Variants in NIPBL observed in about 807,000 individuals in gnomAD.
The protein encoded by NIPBL is NIPBL cohesin loading factor, also known as nipped-B-like protein.
A neutral mutation model predicts 321.8 loss-of-function variants in NIPBL; 19 were observed. The ratio of observed to expected loss-of-function variants is 0.06; its 90% CI spans 0.04 to 0.09. The LOEUF is 0.09. NIPBL is among the 10% of genes least tolerant of loss of function. The pLI is 1.00. For synonymous variants in NIPBL, 1,106 were observed against 1,114.1 expected (o/e 0.99, Z 0.14); for missense variants, 2,210 against 3,327.0 (o/e 0.66, Z 8.26).
intron 1 of NIPBL, among the ~76,000 whole-genome samples, chr5:36,884,069 G>A (rs189965249): frequency 9.3e-4 from 142 of 152,020 alleles, no homozygotes; most frequent in African/African-American, 3.1e-3. Context: ...ATTCCATAAC[G>A]TTACCTTCAA....
intron 1 of NIPBL, among the ~76,000 whole-genome samples, chr5:36,904,781 T>G (rs1747500511): frequency 6.6e-6 from 1 of 152,164 alleles, no homozygotes; most frequent in South Asian, 2.1e-4. Flanking sequence ...CACCTGTGTC[T>G]CACCTTAAAG....
intron 1 of NIPBL, among the ~76,000 whole-genome samples, chr5:36,889,662 A>G (rs1054152234): frequency 1.3e-5 from 2 of 152,180 alleles, no homozygotes; most frequent in Non-Finnish European, 2.9e-5. Flanking sequence ...CCACATTGCC[A>G]TCTACTCTGA....
chr5:36,989,869 A>G (rs1007904409), intron 10 of NIPBL, among the ~76,000 whole-genome samples: 15 of 150,386 alleles, frequency 1.0e-4, no homozygotes, highest in African/African-American at 3.4e-4. Context: ...AAAAATTGGC[A>G]TAATCATCAA....
chr5:36,958,454 T>A (rs1741231743), intron 4 of NIPBL, among the ~76,000 whole-genome samples: 1 of 152,214 alleles, frequency 6.6e-6, no homozygotes, highest in Non-Finnish European at 1.5e-5. Flanking sequence ...TTAAATATGT[T>A]GGAATATATC....
At position 36,985,377 on chromosome 5, in the gene NIPBL, C is replaced by A. The variant is rs1395057032; in HGVS notation, c.2197C>A (p.Pro733Thr). Reference sequence around the variant, plus strand: ...CCCAAAACAGAAGGGTGATGGAAGGCCTGAAACTCCAAAGCAAAAAGGTGA... The same window carrying A: ...CCCAAAACAGAAGGGTGATGGAAGGACTGAAACTCCAAAGCAAAAAGGTGA... ...ETPKQKGDGR[P>T]ETPKQKGESR... is the part of the protein sequence containing the mutation. The change falls in exon 10 of 47, where the codon CCT becomes ACT. Residue 733 changes from proline (P) to threonine (T), a missense_variant. Pro to Thr is a conservative substitution (Grantham distance 38, BLOSUM62 -1). This residue lies in a region of NIPBL where 588 missense variants were observed against 564.1 expected (regional missense o/e 1.04). Coordinates refer to ENST00000282516, the MANE Select transcript of NIPBL (RefSeq NM_133433.4). The A allele has an allele frequency of 1.2e-6, 2 of 1,613,392 alleles. No individual in the cohort carries two copies. The highest frequency in any genetic ancestry group is 1.1e-5 in the South Asian group (1 of 91,052).
intron 1 of NIPBL, among the ~76,000 whole-genome samples, chr5:36,910,046 A>T (rs1471147911): frequency 6.6e-6 from 1 of 152,078 alleles, no homozygotes; most frequent in African/African-American, 2.4e-5. Context: ...ACTGCATTCC[A>T]GCCTGGTGAC....
chr5:36,988,164 T>C (rs771238487), intron 10 of NIPBL, among the ~76,000 whole-genome samples: 1 of 152,298 alleles, frequency 6.6e-6, no homozygotes, highest in South Asian at 2.1e-4. Flanking sequence ...GTAATTGGTA[T>C]ATTATTTCAC....
intron 1 of NIPBL, chr5:36,886,219 A>G: frequency 1.5e-6 from 1 of 659,472 alleles, no homozygotes; most frequent in Non-Finnish European, 2.8e-6. Context: ...AGAGCAGCTC[A>G]ACAGAATCCT....
At chr5:36,994,399 C>A (rs954196035) in intron 10 of NIPBL, among the ~76,000 whole-genome samples, 3 of 152,032 alleles carry the variant, frequency 2.0e-5, no homozygotes, top group Non-Finnish European at 4.4e-5. Context: ...AAGGGTTATT[C>A]TTTCATTAAG....
chr5:37,043,890 G>A (rs1422822655), intron 34 of NIPBL, among the ~76,000 whole-genome samples: 1 of 152,140 alleles, frequency 6.6e-6, no homozygotes, highest in Non-Finnish European at 1.5e-5. Flanking sequence ...TGCCAGTAGT[G>A]GCTCCCATTG....
chr5:37,000,385 G>T lies in NIPBL; in HGVS notation c.3317G>T (p.Arg1106Leu). 2 of 1,612,422 alleles carry T rather than the reference G, an allele frequency of 1.2e-6. No individual in the cohort carries two copies. The highest frequency in any genetic ancestry group is 2.2e-5 in the South Asian group (2 of 90,894). Residue 1106 changes from arginine to leucine, a missense_variant, in exon 12 of 47, where the codon CGA (arginine) becomes CTA (leucine). Arg to Leu is a moderately radical substitution (Grantham distance 102). Coordinates refer to ENST00000282516, the MANE Select transcript of NIPBL (RefSeq NM_133433.4). ...GATTTGCTTCTAGCCTCTAGGAAAC[G>T]ACATAAAAAAGATGATGATAAAGCT... ...SDEAFESSRK[R>L]HKKDDDKAWE... is the part of the protein sequence containing the mutation.
At chr5:36,925,255 C>T (rs1749262899) in intron 1 of NIPBL, among the ~76,000 whole-genome samples, 2 of 148,750 alleles carry the variant, frequency 1.3e-5, no homozygotes, top group Admixed American at 6.8e-5. Flanking sequence ...ACTTATTTTA[C>T]ATACATTAAT....
At chr5:37,057,939 T>G (rs559805711) in intron 43 of NIPBL, among the ~76,000 whole-genome samples, 2 of 152,346 alleles carry the variant, frequency 1.3e-5, no homozygotes, top group African/African-American at 4.8e-5. Flanking sequence ...AAATTGAATA[T>G]TCTCATGTAT....
At chr5:37,016,203 A>T in intron 23 of NIPBL, 33 bp downstream of exon 23, 1 of 1,598,590 alleles carries the variant, frequency 6.3e-7, no homozygotes, top group Non-Finnish European at 8.6e-7. Context: ...TTATTAGATT[A>T]CTAGAAGACA....
At chr5:36,993,061 A>G (rs1745732698) in intron 10 of NIPBL, among the ~76,000 whole-genome samples, 2 of 152,066 alleles carry the variant, frequency 1.3e-5, no homozygotes, top group Non-Finnish European at 2.9e-5. Context: ...TTATCTTTGT[A>G]ATCAAGCAAC....
At chr5:36,992,337 A>T (rs976139771) in intron 10 of NIPBL, among the ~76,000 whole-genome samples, 2 of 152,238 alleles carry the variant, frequency 1.3e-5, no homozygotes, top group Non-Finnish European at 2.9e-5. Flanking sequence ...TAATCCCTAA[A>T]ATCATCAATC....
intron 24 of NIPBL, among the ~76,000 whole-genome samples, chr5:37,018,912 A>G (rs1401042287): frequency 6.6e-6 from 1 of 152,010 alleles, no homozygotes; most frequent in Admixed American, 6.6e-5. Context: ...AGATCAGCTT[A>G]GCCAACATGG....
intron 1 of NIPBL, among the ~76,000 whole-genome samples, chr5:36,942,610 GCA>G (rs1739226101): frequency 6.6e-6 from 1 of 151,122 alleles, no homozygotes; most frequent in African/African-American, 2.4e-5. Context: ...GGGTGGTGGT[GCA>G]CACCTGTAGC....
At chr5:37,056,029 T>C (rs1198552722) in intron 42 of NIPBL, among the ~76,000 whole-genome samples, 2 of 152,084 alleles carry the variant, frequency 1.3e-5, no homozygotes, top group Non-Finnish European at 2.9e-5. Flanking sequence ...TCTAAACTAT[T>C]CTTTGAAGAA....
Sources: allele counts gnomAD v4.1 joint callset (sites outside exome capture counted in the v4.1 genomes callset), GRCh38; gene constraint gnomAD v4.1.1; regional missense constraint gnomAD v4.1.1; transcripts MANE v1.5; gene names NCBI Gene and HGNC (gene_info 2026-07-23, HGNC 2026-07-21).